The following ZCCHC17 variants were observed in gnomAD, a reference collection of about 807,000 sequenced individuals.
The protein encoded by ZCCHC17 is zinc finger CCHC domain-containing protein 17.
A neutral mutation model predicts 30.6 loss-of-function variants in ZCCHC17; 18 were observed. The ratio of observed to expected loss-of-function variants is 0.59; its 90% CI spans 0.41 to 0.87. The LOEUF is 0.87. Among genes scored for constraint, ZCCHC17 ranks in the 40% least tolerant of loss-of-function variants. The pLI is 0.00. For synonymous variants in ZCCHC17, 88 were observed against 92.4 expected (o/e 0.95, Z 0.27); for missense variants, 263 against 284.2 (o/e 0.93, Z 0.54).
intron 3 of ZCCHC17, among the ~76,000 whole-genome samples, chr1:31,319,874 T>A (rs1033828222): frequency 6.6e-6 from 1 of 152,100 alleles, no homozygotes; most frequent in Non-Finnish European, 1.5e-5. Flanking sequence ...TTTAACATTT[T>A]AAAAAAAGGC....
At chr1:31,329,392 A>G (rs1444264279) in intron 3 of ZCCHC17, among the ~76,000 whole-genome samples, 1 of 152,166 alleles carries the variant, frequency 6.6e-6, no homozygotes, top group East Asian at 1.9e-4. Context: ...CCAGCACTAA[A>G]CTATGAAATT....
In ZCCHC17 at chr1:31,297,058, A is replaced by G. The variant is rs1646177869; in HGVS notation, c.-73A>G. ...TTTAGTTCAGCGCAGCGACTCGGGG[A>G]CCTGGAGCTGACGCCTAGTACGTAT... On this transcript the variant is annotated 5_prime_UTR_variant, in exon 1 of 8. Transcript: ENST00000344147. 2 of 441,658 alleles carry G rather than the reference A, an allele frequency of 4.5e-6. No homozygotes were observed. The highest frequency in any genetic ancestry group is 5.3e-5 in the South Asian group (1 of 18,782). The allele number at this position is 441,658 out of a possible 1,614,324, so 27.4% of individuals were successfully genotyped here.
intron 3 of ZCCHC17, 41 bp downstream of exon 3, chr1:31,319,207 T>G: frequency 6.4e-7 from 1 of 1,552,596 alleles, no homozygotes. Flanking sequence ...CTGATTCTAC[T>G]CTCTGCTAAC....
intron 7 of ZCCHC17, among the ~76,000 whole-genome samples, chr1:31,359,355 A>G (rs1193897696): frequency 1.3e-5 from 2 of 150,644 alleles, no homozygotes; most frequent in African/African-American, 4.9e-5. Flanking sequence ...GACTCTAGTT[A>G]AAAAAAAATA....
At chr1:31,328,208 C>A (rs998891331) in intron 3 of ZCCHC17, among the ~76,000 whole-genome samples, 4 of 152,134 alleles carry the variant, frequency 2.6e-5, no homozygotes, top group Non-Finnish European at 4.4e-5. Flanking sequence ...TATTTCTGTG[C>A]TTAATTTATA....
chr1:31,345,754 C>T (rs554843755), intron 5 of ZCCHC17, among the ~76,000 whole-genome samples: 3 of 150,418 alleles, frequency 2.0e-5, no homozygotes, highest in East Asian at 3.9e-4. Flanking sequence ...CTTCATATGG[C>T]GGCAGGAGAG....
chr1:31,364,483 C>T lies in ZCCHC17; in HGVS notation c.*290C>T. On this transcript the variant is annotated 3_prime_UTR_variant, in exon 8 of 8. Coordinates refer to ENST00000344147, the MANE Select transcript of ZCCHC17 (RefSeq NM_016505.4). ...TCATTCAGCAGGAGGTCCTATTACC[C>T]TCTCCAGCTGCCACTGCCAGAGCTG... is the stretch of plus-strand genomic sequence containing the variant. 1 of 407,860 alleles carries T rather than the reference C, an allele frequency of 2.5e-6. No homozygotes were observed. The highest frequency in any genetic ancestry group is 4.4e-6 in the Non-Finnish European group (1 of 225,470). The allele number at this position is 407,860 out of a possible 1,614,324, so 25.3% of individuals were successfully genotyped here. A position where few individuals can be genotyped will look rare whatever the true frequency, so the allele number is the denominator to read the frequency against.
At chr1:31,330,863 G>A (rs988298301) in intron 3 of ZCCHC17, among the ~76,000 whole-genome samples, 14 of 152,188 alleles carry the variant, frequency 9.2e-5, no homozygotes, top group African/African-American at 1.4e-4. Flanking sequence ...CTGCATACAC[G>A]TCATCTGACT....
chr1:31,354,410 T>C (rs1639571124), intron 7 of ZCCHC17, among the ~76,000 whole-genome samples: 1 of 152,218 alleles, frequency 6.6e-6, no homozygotes, highest in South Asian at 2.1e-4. Flanking sequence ...GATTTAGTTT[T>C]TTTTTTCTTT....
intron 6 of ZCCHC17, 132 bp from the exon 7 acceptor site, chr1:31,348,697 C>A: frequency 9.2e-7 from 1 of 1,083,344 alleles, no homozygotes; most frequent in Non-Finnish European, 1.4e-6. Context: ...CTGAATCAAA[C>A]AGCTGCTTTG....
chr1:31,320,799 G>A (rs1216296751), intron 3 of ZCCHC17, among the ~76,000 whole-genome samples: 2 of 152,106 alleles, frequency 1.3e-5, no homozygotes, highest in African/African-American at 4.8e-5. Flanking sequence ...GTATATACCT[G>A]TGAGTGGAAA....
chr1:31,336,957 A>G, intron 3 of ZCCHC17: 1 of 366,892 alleles, frequency 2.7e-6, no homozygotes, highest in Non-Finnish European at 4.9e-6. Context: ...TACAGGCATG[A>G]GCCACTGTGC....
intron 3 of ZCCHC17, chr1:31,333,030 C>T (rs1324209665): frequency 6.6e-6 from 1 of 151,944 alleles, no homozygotes; most frequent in Non-Finnish European, 1.5e-5. Flanking sequence ...ACGTAATGGA[C>T]CTTAAACATT....
chr1:31,325,654 G>C (rs1569824008), intron 3 of ZCCHC17, among the ~76,000 whole-genome samples: 1 of 152,244 alleles, frequency 6.6e-6, no homozygotes, highest in African/African-American at 2.4e-5. Context: ...CCCTTGGCAG[G>C]TGTGGGATCT....
chr1:31,307,225 A>G (rs1403023111), intron 1 of ZCCHC17, among the ~76,000 whole-genome samples: 1 of 150,966 alleles, frequency 6.6e-6, no homozygotes, highest in Non-Finnish European at 1.5e-5. Context: ...CTCCCGCCTT[A>G]GCTTCCCACG....
rs1639043497 is a variant in ZCCHC17 at position 31,341,416 on chromosome 1, C to T, written c.317+2368C>T. ...ACTCATTAAAAAATAGTGAAATTTCCCAAAGCCACCCTTACAGTGATAAAA... is the reference window on the plus strand; with the variant it reads ...ACTCATTAAAAAATAGTGAAATTTCTCAAAGCCACCCTTACAGTGATAAAA... On this transcript the variant is annotated intron_variant, in intron 5 of 7. Transcript: ENST00000344147. Among the ~76,000 whole-genome samples, 4 of 152,002 alleles carry T rather than the reference C, an allele frequency of 2.6e-5. 1 individual carries two copies. Among genetic ancestry groups the T allele is most frequent in the African/African-American group, 9.7e-5 (4 of 41,380 alleles).
At chr1:31,346,837 G>GC in intron 6 of ZCCHC17, 97 bp downstream of exon 6, 2 of 1,560,190 alleles carry the variant, frequency 1.3e-6, no homozygotes. Flanking sequence ...AGTTTACCCT[G>GC]TTTTTTAGCC....
At chr1:31,300,009 T>C (rs369009196) in intron 1 of ZCCHC17, among the ~76,000 whole-genome samples, 16 of 152,190 alleles carry the variant, frequency 1.1e-4, no homozygotes, top group African/African-American at 3.9e-4. Flanking sequence ...CTTATTCAGT[T>C]ATCTGTTTAA....
chr1:31,356,310 A>G (rs1470386590), intron 7 of ZCCHC17, among the ~76,000 whole-genome samples: 1 of 152,204 alleles, frequency 6.6e-6, no homozygotes, highest in African/African-American at 2.4e-5. Context: ...GCCACCTAGG[A>G]CTAGAACTGG....
Sources: allele counts gnomAD v4.1 joint callset (sites outside exome capture counted in the v4.1 genomes callset), GRCh38; gene constraint gnomAD v4.1.1; transcripts MANE v1.5; gene names NCBI Gene and HGNC (gene_info 2026-07-23, HGNC 2026-07-21).